INPPL1: variants seen among roughly 807,000 people sequenced by gnomAD.
The protein encoded by INPPL1 is phosphatidylinositol 3,4,5-trisphosphate 5-phosphatase 2.
In INPPL1, 91 loss-of-function variants were observed where a neutral mutation model predicts 139.3. The observed-to-expected ratio is 0.65, with a 90% confidence interval of 0.55 to 0.78. The LOEUF (loss-of-function observed/expected upper bound fraction) is 0.78. Ranked by LOEUF, INPPL1 falls within the 30% of genes least tolerant of loss-of-function variation. INPPL1 has a pLI of 0.00. For synonymous variants in INPPL1, 719 were observed against 686.6 expected (o/e 1.05, Z -0.74); for missense variants, 1,411 against 1,665.6 (o/e 0.85, Z 2.66).
rs374278210 is a variant in INPPL1, at chr11:72,232,740, C to T, written c.1827C>T (p.Asn609=). 1.5e-5 allele frequency: 24 copies of T among 1,613,974 alleles called. No individual in the cohort carries two copies. The African/African-American group carries it at 3.1e-4, about 21-fold the overall frequency. The change falls in exon 15 of 28, where the codon AAC becomes AAT. Residue 609 remains asparagine (N), a synonymous_variant. Coordinates refer to ENST00000298229, the MANE Select transcript of INPPL1 (RefSeq NM_001567.4). ...ACCTCTTCTGGTTTGGGGACCTCAA[C>T]TACCGCCTGGACATGGATATCCAGG... The part of the protein sequence containing the change: ...FTHLFWFGDL[N]YRLDMDIQEI...
rs878853123 is a variant in INPPL1, at chr11:72,233,471, C to T, written c.2071C>T (p.Arg691Trp). 3 of 1,614,158 alleles carry T rather than the reference C, an allele frequency of 1.9e-6. No individual in the cohort carries two copies. Among genetic ancestry groups the T allele is most frequent in the Non-Finnish European group, 2.5e-6 (3 of 1,180,020 alleles). Residue 691 changes from arginine to tryptophan, a missense_variant, in exon 18 of 28, where the codon CGG (arginine) becomes TGG (tryptophan). Physicochemically the swap from Arg to Trp is moderately radical, Grantham distance 101. This residue lies in a region of INPPL1 where 363 missense variants were observed against 446.2 expected (regional missense o/e 0.81). Transcript: ENST00000298229. ...VRTNVPSWCD[R>W]ILWKSYPETH... The stretch of plus-strand genomic sequence containing the variant: ...GACCAATGTGCCCTCATGGTGTGAC[C>T]GGATTCTGTGGAAATCCTACCCTGA...
Position 72,233,473 on chromosome 11 carries a change from G to T in INPPL1, c.2073G>T (p.Arg691=), listed in dbSNP as rs1948893637. 6.2e-7 allele frequency: 1 copy of T among 1,614,202 alleles called. No homozygotes were observed. The highest frequency in any genetic ancestry group is 8.5e-7 in the Non-Finnish European group (1 of 1,180,048). ...CCAATGTGCCCTCATGGTGTGACCG[G>T]ATTCTGTGGAAATCCTACCCTGAAA... ...VRTNVPSWCD[R]ILWKSYPETH... The change falls in exon 18 of 28, where the codon CGG becomes CGT. Residue 691 remains arginine, a synonymous_variant. Transcript: ENST00000298229.
At chr11:72,229,899 C>A (rs1948782303) in intron 7 of INPPL1, 25 bp from the exon 8 acceptor site, 2 of 1,609,658 alleles carry the variant, frequency 1.2e-6, no homozygotes, top group South Asian at 1.1e-5. Context: ...GTCCCCTGAC[C>A]CCGCCCTGCC....
chr11:72,228,193 T>G lies in INPPL1; in HGVS notation c.186T>G (p.Tyr62Ter). The G allele has an allele frequency of 1.2e-6, 2 of 1,614,060 alleles. No individual in the cohort carries two copies. Among genetic ancestry groups the G allele is most frequent in the Non-Finnish European group, 1.7e-6 (2 of 1,179,964 alleles). Residue 62 changes from tyrosine (Y) to a stop codon, truncating the protein, a stop_gained, in exon 2 of 28, where the codon TAT (tyrosine) becomes TAG (stop). Coordinates refer to ENST00000298229, the MANE Select transcript of INPPL1 (RefSeq NM_001567.4). LOFTEE classifies it high-confidence loss of function. This position sits in a 1 kb window ranked among gnomAD's most constrained non-coding sequence, Gnocchi z 5.0. Reference sequence around the variant, plus strand: ...TCTGGCCCTGCCTTGGCATCAGGTATCAGAAGCATGTGCACACGTATCGCA... The same window carrying G: ...TCTGGCCCTGCCTTGGCATCAGGTAGCAGAAGCATGTGCACACGTATCGCA... ...VAGAFALCVL[Y>*]QKHVHTYRIL...
At position 72,235,747 on chromosome 11, in the gene INPPL1, A is replaced by C. The variant is rs769484758; in HGVS notation, c.2732A>C (p.Glu911Ala). Residue 911 changes from glutamate (E) to alanine (A), a missense_variant, in exon 24 of 28, where the codon GAG becomes GCG. Coordinates refer to ENST00000298229, the MANE Select transcript of INPPL1 (RefSeq NM_001567.4). The surrounding 1 kb of genome is among the most constrained non-coding windows in gnomAD (Gnocchi z 4.9). ...KAPSVSRGSQ[E>A]PRSGSRKPAF... The stretch of plus-strand genomic sequence containing the variant: ...CCCTCTGTGTCCCGAGGGAGCCAGG[A>C]GCCCAGGTGAGCTAGGGCTGTGTTG... 6.2e-7 allele frequency: 1 copy of C among 1,614,046 alleles called. No individual in the cohort carries two copies. The highest frequency in any genetic ancestry group is 1.1e-5 in the South Asian group (1 of 91,078).
At chr11:72,224,653 G>T (rs1948613607), upstream of INPPL1, 1 of 150,430 alleles carries the variant, frequency 6.6e-6, no homozygotes, top group Admixed American at 6.6e-5. Context: ...GTCCCCGCAG[G>T]AGGAGCTGGG....
At position 72,238,574 on chromosome 11, in the gene INPPL1, T is replaced by G; in HGVS notation, c.*221T>G. On this transcript the variant is annotated 3_prime_UTR_variant, in exon 28 of 28. Coordinates refer to ENST00000298229, the MANE Select transcript of INPPL1 (RefSeq NM_001567.4). ...CGCCTTTTAGGCTCAGGACGGAAGG[T>G]CAGTTGCCATGGTTACCGAGGACCC... 1 of 416,608 alleles carries G rather than the reference T, an allele frequency of 2.4e-6. No individual in the cohort carries two copies. Among genetic ancestry groups the G allele is most frequent in the Non-Finnish European group, 4.2e-6 (1 of 236,970 alleles). The allele number at this position is 416,608 out of a possible 1,614,324, so 25.8% of individuals were successfully genotyped here. A position where few individuals can be genotyped will look rare whatever the true frequency, so the allele number is the denominator to read the frequency against.
chr11:72,238,404 G>C lies in INPPL1; in HGVS notation c.*51G>C. On this transcript the variant is annotated 3_prime_UTR_variant, in exon 28 of 28. Transcript: ENST00000298229. ...ACTCAGAGCCCCTCCCTGCTACCAA[G>C]GCCCAGCTATGGCCCCAGGGTTGAA... The C allele has an allele frequency of 4.1e-6, 6 of 1,465,904 alleles. No individual in the cohort carries two copies. In the South Asian group the frequency reaches 8.4e-5, roughly 20 times the overall value. 90.8% of individuals were successfully genotyped at this position (1,465,904 alleles called of 1,614,324 possible).
At chr11:72,227,101 G>C (rs1339873420) in intron 1 of INPPL1, among the ~76,000 whole-genome samples, 1 of 152,090 alleles carries the variant, frequency 6.6e-6, no homozygotes, top group Non-Finnish European at 1.5e-5. Flanking sequence ...ATACATTCCG[G>C]GTGTTCATGG....
In INPPL1 at chr11:72,228,618, G is replaced by C. The variant is rs930093088; in HGVS notation, c.398-109G>C. On this transcript the variant is annotated intron_variant, in intron 3 of 27. Coordinates refer to ENST00000298229, the MANE Select transcript of INPPL1 (RefSeq NM_001567.4). The surrounding 1 kb of genome is among the most constrained non-coding windows in gnomAD (Gnocchi z 5.0). ...CCCCCTTTCCCTTGGCCATGATGCC[G>C]GGGCCCTTTAACCCTCTTTCCATGG... is the stretch of plus-strand genomic sequence containing the variant. 1 of 1,527,940 alleles carries C rather than the reference G, an allele frequency of 6.5e-7. No homozygotes were observed. Among genetic ancestry groups the C allele is most frequent in the Non-Finnish European group, 8.8e-7 (1 of 1,130,538 alleles). 94.6% of individuals were successfully genotyped at this position (1,527,940 alleles called of 1,614,324 possible).
Position 72,232,718 on chromosome 11 carries a change from T to G in INPPL1, c.1805T>G (p.Leu602Arg). Residue 602 changes from leucine (L) to arginine (R), a missense_variant, in exon 15 of 28, where the codon CTC (leucine) becomes CGC (arginine). Leu to Arg is a moderately radical substitution (Grantham distance 102). Coordinates refer to ENST00000298229, the MANE Select transcript of INPPL1 (RefSeq NM_001567.4). ...AFDISLRFTHLFWFGDLNYRL... is the reference protein window; with the variant it reads ...AFDISLRFTHRFWFGDLNYRL... ...GACATCTCTCTGCGTTTCACACACC[T>G]CTTCTGGTTTGGGGACCTCAACTAC... is the stretch of plus-strand genomic sequence containing the variant. 6.2e-7 allele frequency: 1 copy of G among 1,613,734 alleles called. No homozygotes were observed. Among genetic ancestry groups the G allele is most frequent in the East Asian group, 2.2e-5 (1 of 44,832 alleles).
chr11:72,237,317 C>T lies in INPPL1; in HGVS notation c.3073C>T (p.Gln1025Ter). 6.2e-7 allele frequency: 1 copy of T among 1,613,976 alleles called. No homozygotes were observed. Among genetic ancestry groups the T allele is most frequent in the Non-Finnish European group, 8.5e-7 (1 of 1,180,012 alleles). ...NKVAITVPAP[Q>*]LGHHRHPRVG... is the part of the protein sequence containing the mutation. ...AGTGGCCATTACAGTGCCTGCTCCA[C>T]AGCTTGGGCACCACCGGCACCCTCG... Residue 1025 changes from glutamine (Q) to a stop codon, truncating the protein, a stop_gained, in exon 26 of 28, where the codon CAG becomes TAG. Coordinates refer to ENST00000298229, the MANE Select transcript of INPPL1 (RefSeq NM_001567.4). LOFTEE classifies it high-confidence loss of function.
rs1949084627 is a variant in INPPL1, at chr11:72,239,091, TA to T, written c.*740del. 1 of 152,206 alleles carries T rather than the reference TA, an allele frequency of 6.6e-6. No homozygotes were observed. Among genetic ancestry groups the T allele is most frequent in the African/African-American group, 2.4e-5 (1 of 41,428 alleles). The allele number at this position is 152,206 out of a possible 1,614,324, so 9.4% of individuals were successfully genotyped here. A position where few individuals can be genotyped will look rare whatever the true frequency, so the allele number is the denominator to read the frequency against. On this transcript the variant is annotated 3_prime_UTR_variant, in exon 28 of 28. Coordinates refer to ENST00000298229, the MANE Select transcript of INPPL1 (RefSeq NM_001567.4). ...TTGCGGCGTGATGTCTTCAATAAAT[TA>T]AGTTTTATTTGGATTGAGTAAAACT...
In INPPL1 at chr11:72,234,642, T is replaced by G. The variant is rs1438168507; in HGVS notation, c.2415+27T>G. The G allele has an allele frequency of 6.4e-7, 1 of 1,552,016 alleles. No individual in the cohort carries two copies. Among genetic ancestry groups the G allele is most frequent in the Non-Finnish European group, 8.9e-7 (1 of 1,124,286 alleles). On this transcript the variant is annotated intron_variant, in intron 21 of 27. Coordinates refer to ENST00000298229, the MANE Select transcript of INPPL1 (RefSeq NM_001567.4). This position sits in a 1 kb window ranked among gnomAD's most constrained non-coding sequence, Gnocchi z 4.2. ...TGAGGCTGTGGGCAGGGCCCCTGCT[T>G]ATGGGTGAGGGCACAGAGAGGGGTA...
intron 27 of INPPL1, 35 bp downstream of exon 27, chr11:72,238,210 G>A: frequency 6.2e-7 from 1 of 1,613,094 alleles, no homozygotes; most frequent in Non-Finnish European, 8.5e-7. Flanking sequence ...GCGGAGCTGG[G>A]GCCCTCAGGA....
Position 72,228,836 on chromosome 11 carries a change from A to G in INPPL1, c.507A>G (p.Pro169=). 6.2e-7 allele frequency: 1 copy of G among 1,606,172 alleles called. No homozygotes were observed. The highest frequency in any genetic ancestry group is 8.5e-7 in the Non-Finnish European group (1 of 1,175,964). Reference sequence around the variant, plus strand: ...CAGCTCCTGAGACTCCCACAGCTCCAGCTGCTGAGAGGTGAGACCCCCATC... The same window carrying G: ...CAGCTCCTGAGACTCCCACAGCTCCGGCTGCTGAGAGGTGAGACCCCCATC... ...PLPAPETPTA[P]AAESAPNGLS... Residue 169 remains proline (P), a synonymous_variant, in exon 4 of 28, where the codon CCA becomes CCG. Coordinates refer to ENST00000298229, the MANE Select transcript of INPPL1 (RefSeq NM_001567.4). The surrounding 1 kb of genome is among the most constrained non-coding windows in gnomAD (Gnocchi z 5.0).
chr11:72,237,274 A>G lies in INPPL1; in HGVS notation c.3030A>G (p.Pro1010=). ...CCTCGCCTGCCAGGGCCCCTGTCCC[A>G]TCTGCCACCAAGAACAAAGTGGCCA... ...EPPSPARAPV[P]SATKNKVAIT... The change falls in exon 26 of 28, where the codon CCA becomes CCG. Residue 1010 remains proline (P), a synonymous_variant. Transcript: ENST00000298229. The G allele has an allele frequency of 6.2e-7, 1 of 1,613,854 alleles. No homozygotes were observed. Among genetic ancestry groups the G allele is most frequent in the African/African-American group, 1.3e-5 (1 of 74,994 alleles).
intron 1 of INPPL1, chr11:72,227,976 C>CG (rs1053401631): frequency 3.5e-6 from 2 of 567,032 alleles, no homozygotes; most frequent in Non-Finnish European, 3.2e-6. Context: ...GGTGGGGAGA[C>CG]GGGGGTGTTC....
chr11:72,223,831 G>C (rs1301064595), upstream of INPPL1: 1 of 149,898 alleles, frequency 6.7e-6, no homozygotes, highest in Non-Finnish European at 1.5e-5. Flanking sequence ...GCTGCCCCCG[G>C]CTCCCCGGGG....
Sources: allele counts gnomAD v4.1 joint callset (sites outside exome capture counted in the v4.1 genomes callset), GRCh38; gene constraint gnomAD v4.1.1; regional missense constraint gnomAD v4.1.1; non-coding constraint Gnocchi (gnomAD v3.1); transcripts MANE v1.5; gene names NCBI Gene and HGNC (gene_info 2026-07-23, HGNC 2026-07-21).